Variants in OGFR observed in about 807,000 individuals in gnomAD.
OGFR encodes opioid growth factor receptor.
A neutral mutation model predicts 33.6 loss-of-function variants in OGFR; 18 were observed. The ratio of observed to expected loss-of-function variants is 0.54; its 90% CI spans 0.37 to 0.80. The LOEUF (loss-of-function observed/expected upper bound fraction) is 0.80. Among genes scored for constraint, OGFR ranks in the 30% least tolerant of loss-of-function variants. The probability of loss-of-function intolerance (pLI) is 0.00; values close to 1 mark genes in which losing one functional copy is unlikely to be tolerated. For missense variants in OGFR, 877 were observed against 955.8 expected, an observed-to-expected ratio of 0.92 and a Z score of 1.09; for synonymous variants, 370 against 400.7, an observed-to-expected ratio of 0.92 and a Z score of 0.91.
intron 1 of OGFR, 47 bp downstream of exon 1, chr20:62,805,077 C>T (rs1007554728): frequency 1.4e-5 from 18 of 1,274,962 alleles, no homozygotes; most frequent in Non-Finnish European, 1.8e-5. Flanking sequence ...CGGCGCCCCC[C>T]GCCCGGCTGC....
At chr20:62,807,896 C>T (rs561408733) in intron 2 of OGFR, 19 of 599,036 alleles carry the variant, frequency 3.2e-5, no homozygotes, top group East Asian at 1.4e-4. Context: ...TCCGTGATAC[C>T]GCCCACACAG....
chr20:62,809,693 G>A (rs751468422), intron 4 of OGFR, 30 bp downstream of exon 4: 2 of 1,394,820 alleles, frequency 1.4e-6, no homozygotes, highest in East Asian at 2.3e-5. Context: ...GGGATGGGGG[G>A]TTGGCGAGGC....
rs1413337908 is a variant in OGFR at position 62,812,252 on chromosome 20, A to G, written c.637A>G (p.Ile213Val). 6.6e-7 allele frequency: 1 copy of G among 1,522,758 alleles called. No individual in the cohort carries two copies. Among genetic ancestry groups the G allele is most frequent in the East Asian group, 2.5e-5 (1 of 40,644 alleles). 94.3% of individuals were successfully genotyped at this position (1,522,758 alleles called of 1,614,324 possible). The part of the protein sequence containing the change: ...LNWRSHNNLR[I>V]TRILKSLGEL... ...CAGGCGCAGCCACAACAACCTCCGCATCACACGCATCCTCAAGTCGCTGGG... is the reference window on the plus strand; with the variant it reads ...CAGGCGCAGCCACAACAACCTCCGCGTCACACGCATCCTCAAGTCGCTGGG... Residue 213 changes from isoleucine (I) to valine (V), a missense_variant, in exon 7 of 7, where the codon ATC becomes GTC. Around this residue, in one of 3 missense-constraint regions of OGFR, gnomAD observed 760 missense variants for 736.0 expected, o/e 1.03. Transcript: ENST00000290291.
Position 62,805,099 on chromosome 20 carries a change from A to ACC in OGFR, c.171+75_171+76dup, listed in dbSNP as rs150868425. ...CCCCGCCCGGCTGCGTGGACGGGAG[A>ACC]CCCCCCCATCCCGGGCGGAGACACC... On this transcript the variant is annotated intron_variant, in intron 1 of 6. Transcript: ENST00000290291. 2.6e-5 allele frequency: 31 copies of ACC among 1,186,234 alleles called. No individual in the cohort carries two copies. In the African/African-American group the frequency reaches 4.1e-4, roughly 16 times the overall value. 73.5% of individuals were successfully genotyped at this position (1,186,234 alleles called of 1,614,324 possible).
In OGFR at chr20:62,809,671, GGGGAGGAT is replaced by G. The variant is rs764350988; in HGVS notation, c.398+12_398+19del. On this transcript the variant is annotated intron_variant, in intron 4 of 6. Coordinates refer to ENST00000290291, the MANE Select transcript of OGFR (RefSeq NM_007346.4). ...TCACTCCTACATCCAGTGGTGAGTTGGGGAGGATGGGGGGATGGGGGGTTGGCGAGGCC... is the reference window on the plus strand; with the variant it reads ...TCACTCCTACATCCAGTGGTGAGTTGGGGGGGATGGGGGGTTGGCGAGGCC... 4 of 1,574,062 alleles carry G rather than the reference GGGGAGGAT, an allele frequency of 2.5e-6. No homozygotes were observed. The East Asian group carries it at 7.7e-5, about 30-fold the overall frequency.
In OGFR at chr20:62,811,626, T is replaced by TGGGCCCCCCCCCCCC; in HGVS notation, c.614+16_614+17insGGGCCCCCCCCCCCC. 3 of 1,502,510 alleles carry TGGGCCCCCCCCCCCC rather than the reference T, an allele frequency of 2.0e-6. No individual in the cohort carries two copies. The highest frequency in any genetic ancestry group is 1.8e-6 in the Non-Finnish European group (2 of 1,110,116). The allele number at this position is 1,502,510 out of a possible 1,614,324, so 93.1% of individuals were successfully genotyped here. On this transcript the variant is annotated intron_variant, in intron 6 of 6. Coordinates refer to ENST00000290291, the MANE Select transcript of OGFR (RefSeq NM_007346.4). ...ACCTGAACTGGTGAGGCCCGGCTGC[T>TGGGCCCCCCCCCCCC]CCCGCCCACCCCCACCCCGGCGCAG...
intron 4 of OGFR, among the ~76,000 whole-genome samples, chr20:62,810,220 C>A (rs374905572): frequency 6.6e-6 from 1 of 152,188 alleles, no homozygotes; most frequent in Non-Finnish European, 1.5e-5. Context: ...CCTGTCCGCC[C>A]GGGCTGGATG....
rs373481743 is a variant in OGFR at position 62,813,134 on chromosome 20, C to G, written c.1519C>G (p.Arg507Gly). The change falls in exon 7 of 7, where the codon CGA becomes GGA. Residue 507 changes from arginine to glycine, a missense_variant. Physicochemically the swap from Arg to Gly is moderately radical, Grantham distance 125 (BLOSUM62 -2). This residue lies in a region of OGFR where 760 missense variants were observed against 736.0 expected (regional missense o/e 1.03). Coordinates refer to ENST00000290291, the MANE Select transcript of OGFR (RefSeq NM_007346.4). ...CGGGGTTGAGGAGGACACAGAAGGT[C>G]GAACGGGGCCCAAAGAAGGTACCCC... ...ENGVEEDTEGRTGPKEGTPGS... is the reference protein window; with the variant it reads ...ENGVEEDTEGGTGPKEGTPGS... 2.2e-5 allele frequency: 35 copies of G among 1,579,396 alleles called. No homozygotes were observed. Among genetic ancestry groups the G allele is most frequent in the Non-Finnish European group, 2.9e-5 (34 of 1,162,912 alleles).
At chr20:62,812,204 C>T in intron 6 of OGFR, 26 bp from the exon 7 acceptor site, 2 of 1,455,964 alleles carry the variant, frequency 1.4e-6, no homozygotes, top group Non-Finnish European at 1.8e-6. Context: ...CAGCCATTGA[C>T]CTCTCCTGAC....
At chr20:62,805,071 G>T (rs1421615613) in intron 1 of OGFR, 41 bp downstream of exon 1, 51 of 1,278,376 alleles carry the variant, frequency 4.0e-5, no homozygotes, top group Non-Finnish European at 4.8e-5. Context: ...GGTCCCCGGC[G>T]CCCCCCGCCC....
chr20:62,811,787 A>G (rs1990734310), intron 6 of OGFR, among the ~76,000 whole-genome samples, 177 bp downstream of exon 6: 1 of 152,146 alleles, frequency 6.6e-6, no homozygotes, highest in African/African-American at 2.4e-5. Flanking sequence ...CCTCCCCGAT[A>G]GGGTTGGTGA....
At chr20:62,811,020 A>G (rs1990716862) in intron 5 of OGFR, among the ~76,000 whole-genome samples, 1 of 152,226 alleles carries the variant, frequency 6.6e-6, no homozygotes. Context: ...GGAGCAGCTC[A>G]GAGGAGAGAT....
rs897492350 is a variant in OGFR, at chr20:62,812,567, G to A, written c.952G>A (p.Asp318Asn). 2.5e-6 allele frequency: 4 copies of A among 1,579,832 alleles called. No homozygotes were observed. The highest frequency in any genetic ancestry group is 1.3e-5 in the African/African-American group (1 of 74,330). Residue 318 changes from aspartate (D) to asparagine (N), a missense_variant, in exon 7 of 7, where the codon GAC (aspartate) becomes AAC (asparagine). Asp to Asn is a conservative substitution (Grantham distance 23, BLOSUM62 1). Around this residue, in one of 3 missense-constraint regions of OGFR, gnomAD observed 760 missense variants for 736.0 expected, o/e 1.03. Coordinates refer to ENST00000290291, the MANE Select transcript of OGFR (RefSeq NM_007346.4). ...GGTGGAGGAGGAAGGAAGCCCCGGGGACCCCGACCACGAGGCCAGCACCCA... is the reference window on the plus strand; with the variant it reads ...GGTGGAGGAGGAAGGAAGCCCCGGGAACCCCGACCACGAGGCCAGCACCCA... ...RKVEEEGSPG[D>N]PDHEASTQGR... is the part of the protein sequence containing the mutation.
Position 62,812,448 on chromosome 20 carries a change from T to C in OGFR, c.833T>C (p.Phe278Ser), listed in dbSNP as rs778793760. 2 of 1,579,596 alleles carry C rather than the reference T, an allele frequency of 1.3e-6. No homozygotes were observed. Among genetic ancestry groups the C allele is most frequent in the Admixed American group, 3.6e-5 (2 of 55,512 alleles). The change falls in exon 7 of 7, where the codon TTC becomes TCC. Residue 278 changes from phenylalanine (F) to serine (S), a missense_variant. By Grantham distance (155) the Phe-to-Ser change is radical. Coordinates refer to ENST00000290291, the MANE Select transcript of OGFR (RefSeq NM_007346.4). ...RQLVHFAWEH[F>S]RPRCKFVWGP... ...CTGGTGCACTTCGCCTGGGAGCACT[T>C]CCGGCCCCGCTGCAAGTTCGTCTGG...
rs753440328 is a variant in OGFR, at chr20:62,813,782, G to A, written c.*133G>A. On this transcript the variant is annotated 3_prime_UTR_variant, in exon 7 of 7. Coordinates refer to ENST00000290291, the MANE Select transcript of OGFR (RefSeq NM_007346.4). Reference sequence around the variant, plus strand: ...CCATGACCCACAGTGCTGGCCTCCTGTGGGGCCACTATAGCAGCCACCAGA... The same window carrying A: ...CCATGACCCACAGTGCTGGCCTCCTATGGGGCCACTATAGCAGCCACCAGA... The A allele has an allele frequency of 3.1e-5, 34 of 1,086,056 alleles. No individual in the cohort carries two copies. The highest frequency in any genetic ancestry group is 2.8e-4 in the Middle Eastern group (1 of 3,602). The allele number at this position is 1,086,056 out of a possible 1,614,324, so 67.3% of individuals were successfully genotyped here. A position where few individuals can be genotyped will look rare whatever the true frequency, so the allele number is the denominator to read the frequency against.
At position 62,812,477 on chromosome 20, in the gene OGFR, C is replaced by T; in HGVS notation, c.862C>T (p.Pro288Ser). Reference sequence around the variant, plus strand: ...GCCCCGCTGCAAGTTCGTCTGGGGGCCCCAAGACAAGCTGCGGAGGTTCAA... The same window carrying T: ...GCCCCGCTGCAAGTTCGTCTGGGGGTCCCAAGACAAGCTGCGGAGGTTCAA... The part of the protein sequence containing the change: ...FRPRCKFVWG[P>S]QDKLRRFKPS... Residue 288 changes from proline (P) to serine (S), a missense_variant, in exon 7 of 7, where the codon CCC (proline) becomes TCC (serine). Physicochemically the swap from Pro to Ser is moderately conservative, Grantham distance 74. Transcript: ENST00000290291. The T allele has an allele frequency of 6.3e-7, 1 of 1,578,952 alleles. No homozygotes were observed. The highest frequency in any genetic ancestry group is 8.6e-7 in the Non-Finnish European group (1 of 1,162,946).
intron 6 of OGFR, 118 bp downstream of exon 6, chr20:62,811,728 G>A: frequency 8.4e-7 from 1 of 1,193,048 alleles, no homozygotes; most frequent in Non-Finnish European, 1.1e-6. Context: ...TTTGGGCAAT[G>A]GACCAAGGCC....
chr20:62,805,631 C>A (rs1271719984), intron 1 of OGFR: 1 of 152,424 alleles, frequency 6.6e-6, no homozygotes, highest in Non-Finnish European at 1.5e-5. Flanking sequence ...GAGCGGCCTT[C>A]CAGCTGAGCT....
chr20:62,812,851 G>A lies in OGFR; in HGVS notation c.1236G>A (p.Leu412=), dbSNP rs1990767184. The A allele has an allele frequency of 1.2e-6, 2 of 1,612,762 alleles. No homozygotes were observed. Among genetic ancestry groups the A allele is most frequent in the Non-Finnish European group, 1.7e-6 (2 of 1,179,962 alleles). ...CCTCAGAGGTGGAGAAGATCGCTCT[G>A]AATTTGGAGGGGTGTGCCCTCAGCC... ...QSASEVEKIA[L]NLEGCALSQG... The change falls in exon 7 of 7, where the codon CTG becomes CTA. Residue 412 remains leucine, a synonymous_variant. Coordinates refer to ENST00000290291, the MANE Select transcript of OGFR (RefSeq NM_007346.4).
Sources: allele counts gnomAD v4.1 joint callset (sites outside exome capture counted in the v4.1 genomes callset), GRCh38; gene constraint gnomAD v4.1.1; regional missense constraint gnomAD v4.1.1; transcripts MANE v1.5; gene names NCBI Gene and HGNC (gene_info 2026-07-23, HGNC 2026-07-21).